The following NYAP2 variants were observed in gnomAD, a reference collection of about 807,000 sequenced individuals.
NYAP2 encodes the protein neuronal tyrosine-phosphorylated phosphoinositide-3-kinase adaptor 2.
In NYAP2, 23 loss-of-function variants were observed where a neutral mutation model predicts 50.4. The observed-to-expected ratio is 0.46, with a 90% CI of 0.33 to 0.65. The LOEUF is 0.65. NYAP2 is among the 30% of genes least tolerant of loss of function. The pLI, the probability that NYAP2 is intolerant of heterozygous loss-of-function variation, is 0.02. For synonymous variants in NYAP2, 394 were observed against 365.2 expected (o/e 1.08, Z -0.90); for missense variants, 885 against 861.0 (o/e 1.03, Z -0.35).
intron 6 of NYAP2, among the ~76,000 whole-genome samples, chr2:225,638,087 C>T (rs1242158148): frequency 6.6e-6 from 1 of 151,332 alleles, no homozygotes; most frequent in Non-Finnish European, 1.5e-5. Context: ...TTTAAATAGA[C>T]TCTAGATATT....
chr2:225,651,458 C>T lies in NYAP2; in HGVS notation c.1855C>T (p.Arg619Trp), dbSNP rs371912659. The T allele has an allele frequency of 4.3e-6, 7 of 1,613,824 alleles. No individual in the cohort carries two copies. Among genetic ancestry groups the T allele is most frequent in the East Asian group, 4.5e-5 (2 of 44,894 alleles). ...GCCTAAAGTAAGCTGCAAATTAGGCCGGTCTGCGTCGACGTCAGGTGTGCC... is the reference window on the plus strand; with the variant it reads ...GCCTAAAGTAAGCTGCAAATTAGGCTGGTCTGCGTCGACGTCAGGTGTGCC... Residue 619 changes from arginine (R) to tryptophan (W), a missense_variant, in exon 7 of 7, where the codon CGG becomes TGG. Transcript: ENST00000636099.
intron 6 of NYAP2, among the ~76,000 whole-genome samples, chr2:225,642,922 T>C (rs1256454114): frequency 6.6e-6 from 1 of 152,164 alleles, no homozygotes; most frequent in Non-Finnish European, 1.5e-5. Flanking sequence ...ATCAACAGTG[T>C]TAGAACATTT....
rs1553547821 is a variant in NYAP2, at chr2:225,538,806, C to CT, written c.523+25137dup. Among the ~76,000 whole-genome samples, 153 of 66,440 alleles carry CT rather than the reference C, an allele frequency of 2.3e-3. 3 individuals are homozygous for CT. The highest frequency in any genetic ancestry group is 7.0e-3 in the Middle Eastern group (1 of 142). 43.6% of individuals were successfully genotyped at this position (66,440 alleles called of 152,430 possible). ...TCTTTCTTTCTTTCTTTCTTTCTTT[C>CT]TTTCTTTCTTTCTTTCTTTCTTTCT... On this transcript the variant is annotated intron_variant, in intron 4 of 6. Coordinates refer to ENST00000636099, the Ensembl canonical transcript of NYAP2.
chr2:225,500,354 ATGAAACAG>A (rs1177124363), intron 3 of NYAP2, among the ~76,000 whole-genome samples: 3 of 152,234 alleles, frequency 2.0e-5, no homozygotes, highest in African/African-American at 7.2e-5. Context: ...GATATGAAAG[ATGAAACAG>A]TGTTTTATTT....
intron 3 of NYAP2, among the ~76,000 whole-genome samples, chr2:225,447,488 C>A (rs1256743625): frequency 2.0e-5 from 3 of 152,028 alleles, no homozygotes; most frequent in Non-Finnish European, 2.9e-5. Context: ...CAATATGGAG[C>A]TTCTATAAAT....
upstream of NYAP2, among the ~76,000 whole-genome samples, chr2:225,397,946 A>AGG (rs1163953234): frequency 3.3e-5 from 5 of 151,766 alleles, no homozygotes; most frequent in South Asian, 2.1e-4. Flanking sequence ...GAAGGAAGGA[A>AGG]AGAAAGAAAA....
the NYAP2 span, among the ~76,000 whole-genome samples, chr2:225,694,720 G>C: frequency 2.0e-5 from 3 of 151,660 alleles, no homozygotes; most frequent in Non-Finnish European, 4.4e-5. Flanking sequence ...AAAATAAGAA[G>C]ATTATATACT....
chr2:225,667,815 C>A, the NYAP2 span, among the ~76,000 whole-genome samples: 1 of 152,044 alleles, frequency 6.6e-6, no homozygotes, highest in Admixed American at 6.6e-5. Flanking sequence ...AATAGAGATG[C>A]TTTACAGATG....
At chr2:225,407,746 C>G (rs1265707070) in intron 2 of NYAP2, among the ~76,000 whole-genome samples, 2 of 151,830 alleles carry the variant, frequency 1.3e-5, no homozygotes, top group African/African-American at 2.4e-5. Flanking sequence ...AGAAATTTTT[C>G]CCCTTGTTAA....
chr2:225,471,388 G>A (rs1264117894), intron 3 of NYAP2, among the ~76,000 whole-genome samples: 2 of 152,142 alleles, frequency 1.3e-5, no homozygotes, highest in Non-Finnish European at 2.9e-5. Context: ...CTATAGTCAC[G>A]AATATTTAAA....
At chr2:225,543,570 C>T (rs545700305) in intron 4 of NYAP2, among the ~76,000 whole-genome samples, 1 of 151,882 alleles carries the variant, frequency 6.6e-6, no homozygotes, top group East Asian at 1.9e-4. Context: ...TTCCAAAGTT[C>T]CTCTTTTTAT....
chr2:225,601,446 A>C (rs1486134817), intron 5 of NYAP2, among the ~76,000 whole-genome samples: 1 of 152,054 alleles, frequency 6.6e-6, no homozygotes, highest in Non-Finnish European at 1.5e-5. Flanking sequence ...GCCTCTGTTT[A>C]AGTTTTTGAG....
intron 4 of NYAP2, among the ~76,000 whole-genome samples, chr2:225,571,989 G>A (rs1692081137): frequency 6.6e-6 from 1 of 152,148 alleles, no homozygotes; most frequent in African/African-American, 2.4e-5. Context: ...TCCAGGGCAG[G>A]GGCAAAATGC....
chr2:225,587,423 T>C (rs1692406628), intron 5 of NYAP2, among the ~76,000 whole-genome samples: 1 of 152,082 alleles, frequency 6.6e-6, no homozygotes, highest in African/African-American at 2.4e-5. Flanking sequence ...GGCACTAAGA[T>C]ACAAAAGACA....
chr2:225,696,909 G>C, the NYAP2 span, among the ~76,000 whole-genome samples: 4 of 151,826 alleles, frequency 2.6e-5, no homozygotes, highest in African/African-American at 9.7e-5. Context: ...TTTTGATGAG[G>C]AATAAATGAA....
At chr2:225,534,262 C>G (rs1574663208) in intron 4 of NYAP2, among the ~76,000 whole-genome samples, 1 of 152,158 alleles carries the variant, frequency 6.6e-6, no homozygotes, top group East Asian at 1.9e-4. Flanking sequence ...CTCATTCCCC[C>G]AAAGGATGTG....
chr2:225,427,553 C>T (rs1330039150), intron 3 of NYAP2, among the ~76,000 whole-genome samples: 1 of 152,158 alleles, frequency 6.6e-6, no homozygotes, highest in African/African-American at 2.4e-5. Flanking sequence ...CATTCACCAC[C>T]CGTGTGGCTC....
the NYAP2 span, among the ~76,000 whole-genome samples, chr2:225,665,807 T>TAA: frequency 0.077 from 1,613 of 20,936 alleles, 492 homozygotes; most frequent in Non-Finnish European, 0.11. Flanking sequence ...AGCCTCCGTC[T>TAA]AAAAAAAAAA....
intron 6 of NYAP2, among the ~76,000 whole-genome samples, chr2:225,649,883 T>G (rs574195306): frequency 6.6e-6 from 1 of 152,358 alleles, no homozygotes; most frequent in South Asian, 2.1e-4. Context: ...ATCATACACC[T>G]AGCAGAGTCA....
Sources: allele counts gnomAD v4.1 joint callset (sites outside exome capture counted in the v4.1 genomes callset), GRCh38; gene constraint gnomAD v4.1.1; transcripts MANE v1.5; gene names NCBI Gene and HGNC (gene_info 2026-07-23, HGNC 2026-07-21).